Variants in VEGFA observed in about 807,000 individuals in gnomAD.
The protein encoded by VEGFA is vascular endothelial growth factor A.
In VEGFA, 20 loss-of-function variants were observed where a neutral mutation model predicts 49.7. That is an observed-to-expected ratio of 0.40 (90% confidence interval 0.28 to 0.58). The LOEUF is 0.58. Among genes scored for constraint, VEGFA ranks in the 20% least tolerant of loss-of-function variants. The pLI is 0.40. For synonymous variants in VEGFA, 219 were observed against 223.4 expected (o/e 0.98, Z 0.18); for missense variants, 505 against 553.5 (o/e 0.91, Z 0.88).
At position 43,770,675 on chromosome 6, in the gene VEGFA, C is replaced by T; in HGVS notation, c.-32C>T. On this transcript the variant is annotated 5_prime_UTR_variant, in exon 1 of 8. Coordinates refer to ENST00000672860, the MANE Select transcript of VEGFA (RefSeq NM_003376.6). ...ACCGCCGGAGCGCGGCGTGAGCCCT[C>T]CCCCTTGGGATCCCGCAGCTGACCA... is the stretch of plus-strand genomic sequence containing the variant. 1 of 1,535,008 alleles carries T rather than the reference C, an allele frequency of 6.5e-7. No homozygotes were observed. Among genetic ancestry groups the T allele is most frequent in the South Asian group, 1.2e-5 (1 of 82,664 alleles).
Position 43,773,095 on chromosome 6 carries a change from G to T in VEGFA, c.607-1246G>T, listed in dbSNP as rs1346177320. 3 of 153,618 alleles carry T rather than the reference G, an allele frequency of 2.0e-5. No homozygotes were observed. The highest frequency in any genetic ancestry group is 4.4e-5 in the Non-Finnish European group (3 of 68,706). 9.5% of individuals were successfully genotyped at this position (153,618 alleles called of 1,614,324 possible). ...GAGGTGCAGAATCCAGGGGGTCCCTGCAGGAGCCGCAGTGGTAAGCTGTCC... is the reference window on the plus strand; with the variant it reads ...GAGGTGCAGAATCCAGGGGGTCCCTTCAGGAGCCGCAGTGGTAAGCTGTCC... On this transcript the variant is annotated intron_variant, in intron 1 of 7. Coordinates refer to ENST00000672860, the MANE Select transcript of VEGFA (RefSeq NM_003376.6). This position sits in a 1 kb window ranked among gnomAD's most constrained non-coding sequence, Gnocchi z 5.6.
chr6:43,770,246 G>T lies in VEGFA; in HGVS notation c.-461G>T, dbSNP rs186369938. ...GGGGCAGCCGGGTAGCTCGGAGGTC[G>T]TGGCGCTGGGGGCTAGCACCAGCGC... On this transcript the variant is annotated 5_prime_UTR_variant, in exon 1 of 8. Coordinates refer to ENST00000672860, the MANE Select transcript of VEGFA (RefSeq NM_003376.6). 3 of 247,266 alleles carry T rather than the reference G, an allele frequency of 1.2e-5. No individual in the cohort carries two copies. The highest frequency in any genetic ancestry group is 2.2e-5 in the African/African-American group (1 of 45,622). The allele number at this position is 247,266 out of a possible 1,614,324, so 15.3% of individuals were successfully genotyped here. A position where few individuals can be genotyped will look rare whatever the true frequency, so the allele number is the denominator to read the frequency against.
chr6:43,777,836 T>G lies in VEGFA; in HGVS notation c.855+171T>G. The stretch of plus-strand genomic sequence containing the variant: ...TGCCTTCTGTGGAGAAGATGCTTCA[T>G]TCCCAGCCCAGGTTCCCAGCAAGCC... On this transcript the variant is annotated intron_variant, in intron 3 of 7. Transcript: ENST00000672860. The surrounding 1 kb of genome is among the most constrained non-coding windows in gnomAD (Gnocchi z 4.3). The G allele has an allele frequency of 1.4e-6, 1 of 715,302 alleles. No homozygotes were observed. 44.3% of individuals were successfully genotyped at this position (715,302 alleles called of 1,614,324 possible). A position where few individuals can be genotyped will look rare whatever the true frequency, so the allele number is the denominator to read the frequency against.
rs1175458552 is a variant in VEGFA at position 43,773,662 on chromosome 6, C to T, written c.607-679C>T. On this transcript the variant is annotated intron_variant, in intron 1 of 7. Transcript: ENST00000672860. The surrounding 1 kb of genome is among the most constrained non-coding windows in gnomAD (Gnocchi z 5.6). ...AGGTAGGAGTGGGAGACAGGTGAGG[C>T]TTTGGAAATCTATTGAGGCTCTGGA... 6.5e-6 allele frequency: 1 copy of T among 153,298 alleles called. No homozygotes were observed. The allele number at this position is 153,298 out of a possible 1,614,324, so 9.5% of individuals were successfully genotyped here.
intron 1 of VEGFA, among the ~76,000 whole-genome samples, chr6:43,771,763 G>A (rs1763651050): frequency 6.6e-6 from 1 of 152,172 alleles, no homozygotes; most frequent in Non-Finnish European, 1.5e-5. Flanking sequence ...CGTGGAGGGG[G>A]CAGGGCGCAG....
chr6:43,770,712 G>T lies in VEGFA; in HGVS notation c.6G>T (p.Thr2=), dbSNP rs1561978373. 6.4e-7 allele frequency: 1 copy of T among 1,550,756 alleles called. No individual in the cohort carries two copies. The highest frequency in any genetic ancestry group is 1.9e-5 in the Admixed American group (1 of 52,436). Residue 2 remains threonine, a synonymous_variant, in exon 1 of 8, where the codon ACG becomes ACT. Coordinates refer to ENST00000672860, the MANE Select transcript of VEGFA (RefSeq NM_003376.6). ...CCCGCAGCTGACCAGTCGCGCTGAC[G>T]GACAGACAGACAGACACCGCCCCCA...
In VEGFA at chr6:43,777,401, G is replaced by T. The variant is rs2128027086; in HGVS notation, c.659-68G>T. The T allele has an allele frequency of 6.4e-7, 1 of 1,574,402 alleles. No homozygotes were observed. Among genetic ancestry groups the T allele is most frequent in the Non-Finnish European group, 8.7e-7 (1 of 1,148,262 alleles). On this transcript the variant is annotated intron_variant, in intron 2 of 7. Coordinates refer to ENST00000672860, the MANE Select transcript of VEGFA (RefSeq NM_003376.6). The surrounding 1 kb of genome is among the most constrained non-coding windows in gnomAD (Gnocchi z 4.3). ...TCCAAAGAGTGGCATTACAGAGCTG[G>T]GTGGAGAGAGGGGCTAGCCATCTTT...
chr6:43,784,225 G>A (rs987375817), intron 7 of VEGFA: 1 of 501,898 alleles, frequency 2.0e-6, no homozygotes, highest in African/African-American at 1.9e-5. Context: ...CTGTTCTTTG[G>A]TATCCGTTCA....
intron 1 of VEGFA, among the ~76,000 whole-genome samples, chr6:43,772,401 G>C (rs557667666): frequency 2.5e-4 from 38 of 152,336 alleles, no homozygotes; most frequent in Non-Finnish European, 4.6e-4. Context: ...CTTGGTGACA[G>C]TGTGCTTCCC....
intron 3 of VEGFA, chr6:43,778,258 C>T: frequency 6.2e-6 from 4 of 641,476 alleles, no homozygotes; most frequent in Non-Finnish European, 1.1e-5. Flanking sequence ...GGAACAAGGG[C>T]TCCTTGAGGC....
At position 43,771,162 on chromosome 6, in the gene VEGFA, A is replaced by T. The variant is rs2127996976; in HGVS notation, c.456A>T (p.Arg152=). ...GCCGGGGAGGAAGAGTAGCTCGCCG[A>T]GGCGCCGAGGAGAGCGGGCCGCCCC... Residue 152 remains arginine, a synonymous_variant, in exon 1 of 8, where the codon CGA becomes CGT. Coordinates refer to ENST00000672860, the MANE Select transcript of VEGFA (RefSeq NM_003376.6). The T allele has an allele frequency of 6.4e-7, 1 of 1,554,026 alleles. No homozygotes were observed. Among genetic ancestry groups the T allele is most frequent in the Non-Finnish European group, 8.7e-7 (1 of 1,154,510 alleles).
intron 7 of VEGFA, 180 bp downstream of exon 7, chr6:43,782,267 G>C (rs1768083102): frequency 3.1e-6 from 3 of 958,186 alleles, no homozygotes; most frequent in Non-Finnish European, 4.7e-6. Flanking sequence ...AGGCCCCTGT[G>C]GTGGGCTGCA....
intron 6 of VEGFA, chr6:43,781,413 C>T (rs899923211): frequency 4.9e-5 from 12 of 243,916 alleles, no homozygotes; most frequent in Non-Finnish European, 8.9e-5. Context: ...CCTTGCAGGG[C>T]AGCCTCTTCC....
chr6:43,778,513 A>G lies in VEGFA; in HGVS notation c.909A>G (p.Leu303=), dbSNP rs1582503970. The G allele has an allele frequency of 6.2e-7, 1 of 1,614,178 alleles. No individual in the cohort carries two copies. The highest frequency in any genetic ancestry group is 8.5e-7 in the Non-Finnish European group (1 of 1,180,004). Reference sequence around the variant, plus strand: ...AGCACATAGGAGAGATGAGCTTCCTACAGCACAACAAATGTGAATGCAGGT... The same window carrying G: ...AGCACATAGGAGAGATGAGCTTCCTGCAGCACAACAAATGTGAATGCAGGT... The change falls in exon 4 of 8, where the codon CTA becomes CTG. Residue 303 remains leucine, a synonymous_variant. Transcript: ENST00000672860.
At chr6:43,780,960 T>C in intron 6 of VEGFA, 157 bp downstream of exon 6, 1 of 1,570,196 alleles carries the variant, frequency 6.4e-7, no homozygotes, top group Non-Finnish European at 8.7e-7. Context: ...CTCACTCCAC[T>C]AATTGGCACC....
chr6:43,781,134 T>C, intron 6 of VEGFA: 2 of 551,570 alleles, frequency 3.6e-6, no homozygotes, highest in East Asian at 6.5e-5. Flanking sequence ...AGGTGCCTGC[T>C]CACCCAACTG....
At chr6:43,772,394 G>A (rs762993055) in intron 1 of VEGFA, among the ~76,000 whole-genome samples, 93 of 152,334 alleles carry the variant, frequency 6.1e-4, no homozygotes, top group Non-Finnish European at 9.8e-4. Flanking sequence ...GTCCCGACTT[G>A]GTGACAGTGT....
At chr6:43,781,852 G>C (rs1456621343) in intron 6 of VEGFA, 104 bp from the exon 7 acceptor site, 8 of 1,474,756 alleles carry the variant, frequency 5.4e-6, no homozygotes, top group East Asian at 2.4e-5. Context: ...CCGGCTGGGT[G>C]GGGGTGCAGC....
Position 43,777,276 on chromosome 6 carries a change from G to C in VEGFA, c.659-193G>C. ...CGTGTGATCTCTGGAATGAAAACAG[G>C]CCTTCACCAGTGTTGATGGTGGAAA... On this transcript the variant is annotated intron_variant, in intron 2 of 7. Transcript: ENST00000672860. This position sits in a 1 kb window ranked among gnomAD's most constrained non-coding sequence, Gnocchi z 4.3. 1.5e-6 allele frequency: 1 copy of C among 674,530 alleles called. No homozygotes were observed. The highest frequency in any genetic ancestry group is 2.7e-6 in the Non-Finnish European group (1 of 373,924). 41.8% of individuals were successfully genotyped at this position (674,530 alleles called of 1,614,324 possible).
Sources: gnomAD v4.1 joint callset for allele counts (sites outside exome capture counted in the v4.1 genomes callset) on GRCh38, gnomAD v4.1.1 for gene constraint, Gnocchi (gnomAD v3.1) non-coding constraint, MANE v1.5 for transcripts, NCBI Gene and HGNC (gene_info 2026-07-23, HGNC 2026-07-21) for gene names.